Variants in LRMDA observed in about 807,000 individuals in gnomAD.
LRMDA encodes the protein leucine rich melanocyte differentiation associated, also known as leucine-rich melanocyte differentiation-associated protein.
Under a neutral mutation model 29.8 loss-of-function variants are expected in LRMDA, and 18 were observed. That is an observed-to-expected ratio of 0.60 (90% CI 0.42 to 0.90). LRMDA has a LOEUF of 0.90. Among genes scored for constraint, LRMDA ranks in the 40% least tolerant of loss-of-function variants. The pLI is 0.00. For missense variants in LRMDA, 273 were observed against 273.9 expected, an observed-to-expected ratio of 1.00 and a Z score of 0.02; for synonymous variants, 125 against 109.4, an observed-to-expected ratio of 1.14 and a Z score of -0.89.
At chr10:76,475,009 C>A (rs954809987) in intron 6 of LRMDA, among the ~76,000 whole-genome samples, 1 of 151,664 alleles carries the variant, frequency 6.6e-6, no homozygotes, top group African/African-American at 2.4e-5. Context: ...TATATTCTTA[C>A]AGTAGAATAT....
At position 76,209,291 on chromosome 10, in the gene LRMDA, C is replaced by T. The variant is rs115930146; in HGVS notation, c.517-115110C>T. ...TGAGCATTTGCTCAGTCCTGTTCCC[C>T]TCCTCACAGCCTCCTAGATACATCT... On this transcript the variant is annotated intron_variant, in intron 5 of 6. Transcript: ENST00000611255. Among the ~76,000 whole-genome samples, 451 of 152,272 alleles carry T rather than the reference C, an allele frequency of 3.0e-3. 3 individuals carry two copies. The highest frequency in any genetic ancestry group is 0.01 in the African/African-American group (431 of 41,564).
At chr10:75,801,305 G>A (rs532596978) in intron 2 of LRMDA, among the ~76,000 whole-genome samples, 4 of 152,278 alleles carry the variant, frequency 2.6e-5, no homozygotes, top group South Asian at 2.1e-4. Flanking sequence ...ATCTCCAACC[G>A]CTTTGGCATC....
chr10:76,412,258 C>G (rs1177350943), intron 6 of LRMDA, among the ~76,000 whole-genome samples: 1 of 152,158 alleles, frequency 6.6e-6, no homozygotes, highest in Admixed American at 6.5e-5. Flanking sequence ...AATTCTTAGC[C>G]TGGAACAAAT....
intron 2 of LRMDA, among the ~76,000 whole-genome samples, chr10:75,467,956 T>TCTCACA (rs777221715): frequency 2.3e-5 from 3 of 130,058 alleles, no homozygotes; most frequent in South Asian, 5.4e-4. Context: ...TGAGACTCCG[T>TCTCACA]CACACACACA....
intron 5 of LRMDA, among the ~76,000 whole-genome samples, chr10:76,267,883 T>A (rs978606171): frequency 1.3e-5 from 2 of 152,222 alleles, no homozygotes; most frequent in African/African-American, 4.8e-5. Flanking sequence ...TCAGTTCACT[T>A]TTAAATGTCT....
chr10:76,478,015 C>A (rs949194620), intron 6 of LRMDA, among the ~76,000 whole-genome samples: 17 of 152,080 alleles, frequency 1.1e-4, no homozygotes, highest in African/African-American at 4.1e-4. Flanking sequence ...GTCTAAAACA[C>A]CAAAAGCAAT....
chr10:76,114,837 C>T (rs556641721), intron 5 of LRMDA, among the ~76,000 whole-genome samples: 370 of 152,348 alleles, frequency 2.4e-3, no homozygotes, highest in African/African-American at 7.8e-3. Flanking sequence ...AACCAACACT[C>T]GGAGAGAAGC....
intron 5 of LRMDA, among the ~76,000 whole-genome samples, chr10:76,300,513 G>A (rs1323182632): frequency 6.6e-6 from 1 of 152,212 alleles, no homozygotes; most frequent in African/African-American, 2.4e-5. Flanking sequence ...CTGTCTAATA[G>A]AGAAGTTAAT....
At chr10:76,380,394 G>A (rs1257404786) in intron 6 of LRMDA, among the ~76,000 whole-genome samples, 1 of 152,032 alleles carries the variant, frequency 6.6e-6, no homozygotes, top group African/African-American at 2.4e-5. Context: ...TATAGGCCAG[G>A]CATGATGGCT....
chr10:76,205,558 C>T (rs1177881524), intron 5 of LRMDA, among the ~76,000 whole-genome samples: 1 of 152,188 alleles, frequency 6.6e-6, no homozygotes, highest in African/African-American at 2.4e-5. Flanking sequence ...ATGTCTCATT[C>T]ACATTCCAAA....
intron 2 of LRMDA, among the ~76,000 whole-genome samples, chr10:75,686,928 T>C (rs936722592): frequency 3.3e-5 from 5 of 152,214 alleles, no homozygotes; most frequent in Admixed American, 6.5e-5. Flanking sequence ...ATTATGCTGA[T>C]CTGTGATCCA....
intron 5 of LRMDA, among the ~76,000 whole-genome samples, chr10:76,273,406 A>G (rs1840091531): frequency 6.6e-6 from 1 of 152,236 alleles, no homozygotes; most frequent in Admixed American, 6.5e-5. Context: ...ATATCACATT[A>G]TAGATGCTAA....
At chr10:75,681,653 A>G (rs1842024242) in intron 2 of LRMDA, among the ~76,000 whole-genome samples, 1 of 152,208 alleles carries the variant, frequency 6.6e-6, no homozygotes, top group African/African-American at 2.4e-5. Flanking sequence ...AAGCACACTT[A>G]GGGCCTCTGC....
chr10:76,117,665 C>T (rs1307267071), intron 5 of LRMDA, among the ~76,000 whole-genome samples: 1 of 152,170 alleles, frequency 6.6e-6, no homozygotes, highest in Non-Finnish European at 1.5e-5. Context: ...TAAAATACAA[C>T]CAAGATGAGA....
chr10:75,908,650 A>G (rs937644576), intron 2 of LRMDA, among the ~76,000 whole-genome samples: 9 of 152,170 alleles, frequency 5.9e-5, no homozygotes, highest in African/African-American at 2.2e-4. Flanking sequence ...CTAGCTCTCC[A>G]TCGATGTCAT....
intron 6 of LRMDA, among the ~76,000 whole-genome samples, chr10:76,524,140 C>A (rs1208831825): frequency 1.3e-5 from 2 of 152,226 alleles, no homozygotes; most frequent in African/African-American, 4.8e-5. Flanking sequence ...GGTTTGCACC[C>A]AGTCCATGTA....
At chr10:75,474,452 G>A (rs1844764137) in intron 2 of LRMDA, among the ~76,000 whole-genome samples, 2 of 152,194 alleles carry the variant, frequency 1.3e-5, no homozygotes, top group Non-Finnish European at 2.9e-5. Flanking sequence ...GGGGCAAGGG[G>A]TCTGTTTGTG....
chr10:76,276,620 T>TC (rs1256228530), intron 5 of LRMDA, among the ~76,000 whole-genome samples: 2 of 152,214 alleles, frequency 1.3e-5, no homozygotes, highest in East Asian at 3.8e-4. Flanking sequence ...ATTTGCTAAT[T>TC]CCAACATCTG....
chr10:75,618,288 T>C (rs1445960591), intron 2 of LRMDA, among the ~76,000 whole-genome samples: 1 of 151,278 alleles, frequency 6.6e-6, no homozygotes, highest in Non-Finnish European at 1.5e-5. Context: ...CCATTCTCTT[T>C]AGTTCTTTCT....
Sources: allele counts gnomAD v4.1 joint callset (sites outside exome capture counted in the v4.1 genomes callset), GRCh38; gene constraint gnomAD v4.1.1; transcripts MANE v1.5; gene names NCBI Gene and HGNC (gene_info 2026-07-23, HGNC 2026-07-21).